RECK: variants seen among roughly 807,000 people sequenced by gnomAD.
RECK encodes the protein reversion inducing cysteine rich protein with kazal motifs.
RECK carries 69 observed loss-of-function variants against 115.1 expected under a neutral mutation model. The ratio of observed to expected loss-of-function variants is 0.60; its 90% CI spans 0.49 to 0.73. RECK has a LOEUF of 0.73. RECK is among the 30% of genes least tolerant of loss of function. The pLI, the probability that RECK is intolerant of heterozygous loss-of-function variation, is 0.00. For missense variants in RECK, 1,047 were observed against 1,203.7 expected, an observed-to-expected ratio of 0.87 and a Z score of 1.93; for synonymous variants, 414 against 419.7, an observed-to-expected ratio of 0.99 and a Z score of 0.17.
At chr9:36,063,306 C>A (rs1000707467) in intron 4 of RECK, among the ~76,000 whole-genome samples, 1 of 152,034 alleles carries the variant, frequency 6.6e-6, no homozygotes, top group African/African-American at 2.4e-5. Context: ...AAAAATTGCC[C>A]CTATTTACTA....
intron 16 of RECK, among the ~76,000 whole-genome samples, chr9:36,113,149 T>C (rs1245159098): frequency 6.6e-6 from 1 of 152,206 alleles, no homozygotes; most frequent in African/African-American, 2.4e-5. Flanking sequence ...TAATGATGGA[T>C]TTCTGTATGG....
intron 7 of RECK, among the ~76,000 whole-genome samples, chr9:36,082,549 T>C (rs1252675493): frequency 1.3e-5 from 2 of 152,308 alleles, no homozygotes; most frequent in East Asian, 3.9e-4. Flanking sequence ...GAGGGGTTCT[T>C]GTTCTTCTCC....
At chr9:36,047,530 T>C (rs543074528) in intron 1 of RECK, among the ~76,000 whole-genome samples, 2 of 152,098 alleles carry the variant, frequency 1.3e-5, no homozygotes, top group South Asian at 4.2e-4. Context: ...AAGAATCACT[T>C]GAAGGTGGAG....
chr9:36,038,789 G>C (rs7039903), intron 1 of RECK, among the ~76,000 whole-genome samples: 2 of 151,696 alleles, frequency 1.3e-5, no homozygotes, highest in African/African-American at 2.4e-5. Flanking sequence ...AAGGATTCCT[G>C]TGGTAAAACA....
At chr9:36,050,519 A>G (rs1450488145) in intron 1 of RECK, among the ~76,000 whole-genome samples, 3 of 152,132 alleles carry the variant, frequency 2.0e-5, no homozygotes, top group Non-Finnish European at 2.9e-5. Flanking sequence ...TCAATAGCCT[A>G]TTAGTGTTTC....
chr9:36,067,008 A>G lies in RECK; in HGVS notation c.405+1384A>G, dbSNP rs1822028824. The G allele has an allele frequency of 7.6e-6, 3 of 396,286 alleles. No homozygotes were observed. In the Admixed American group the frequency reaches 1.1e-4, roughly 14 times the overall value. The allele number at this position is 396,286 out of a possible 1,614,324, so 24.5% of individuals were successfully genotyped here. On this transcript the variant is annotated intron_variant, in intron 6 of 20. Transcript: ENST00000377966. The stretch of plus-strand genomic sequence containing the variant: ...GGCAAAAGGATCCTTTTGTTTTTAT[A>G]TTAAAAGTTGATCCCACAAATTCTT...
At chr9:36,040,730 T>C (rs1588258098) in intron 1 of RECK, among the ~76,000 whole-genome samples, 1 of 151,378 alleles carries the variant, frequency 6.6e-6, no homozygotes, top group East Asian at 1.9e-4. Context: ...GGTGTGGAGA[T>C]AGGAGAGGGG....
chr9:36,075,575 G>A (rs913079750), intron 6 of RECK, among the ~76,000 whole-genome samples: 3 of 151,934 alleles, frequency 2.0e-5, no homozygotes, highest in African/African-American at 7.3e-5. Context: ...GTATCCACAA[G>A]GAAAAAACAC....
At chr9:36,066,067 C>T (rs1343472149) in intron 6 of RECK, among the ~76,000 whole-genome samples, 2 of 152,008 alleles carry the variant, frequency 1.3e-5, no homozygotes, top group Non-Finnish European at 2.9e-5. Flanking sequence ...TCAGACTTTC[C>T]TAGAATCTTG....
At chr9:36,063,252 C>G (rs1353867587) in intron 4 of RECK, among the ~76,000 whole-genome samples, 4 of 152,124 alleles carry the variant, frequency 2.6e-5, no homozygotes, top group Non-Finnish European at 5.9e-5. Flanking sequence ...TCATTTTGCC[C>G]CATGATTAAA....
intron 10 of RECK, among the ~76,000 whole-genome samples, chr9:36,091,591 CT>C (rs1564124089): frequency 1.3e-5 from 2 of 152,198 alleles, no homozygotes. Flanking sequence ...CGTCAGTCCC[CT>C]CTCCCTTCTA....
At chr9:36,122,779 A>G (rs777018886) in intron 20 of RECK, 45 bp from the exon 21 acceptor site, 9 of 1,519,006 alleles carry the variant, frequency 5.9e-6, no homozygotes, top group Non-Finnish European at 8.2e-6. Flanking sequence ...GATGTTGAAA[A>G]CGTTCTGTGG....
intron 6 of RECK, among the ~76,000 whole-genome samples, chr9:36,065,978 G>T (rs1387123663): frequency 6.6e-6 from 1 of 152,110 alleles, no homozygotes; most frequent in Non-Finnish European, 1.5e-5. Flanking sequence ...CATCCAGGTG[G>T]TATTCATTTC....
At position 36,102,788 on chromosome 9, in the gene RECK, T is replaced by C. The variant is rs1283617759; in HGVS notation, c.1435+558T>C. 2.0e-5 allele frequency among the ~76,000 whole-genome samples: 3 copies of C among 151,756 alleles called. No individual in the cohort carries two copies. The East Asian group carries it at 5.8e-4, about 29-fold the overall frequency. On this transcript the variant is annotated intron_variant, in intron 12 of 20. Transcript: ENST00000377966. ...GGCTGACATGGTGAGACCCCGTCTC[T>C]ACTAAAAATACAAAAAAATCAGCCA...
chr9:36,059,466 A>AT, intron 3 of RECK, among the ~76,000 whole-genome samples: 1 of 152,176 alleles, frequency 6.6e-6, no homozygotes, highest in Admixed American at 6.5e-5. Context: ...AAAAAAAAAA[A>AT]AAAAATTATC....
At chr9:36,095,086 A>G (rs1194606465) in intron 10 of RECK, among the ~76,000 whole-genome samples, 1 of 152,202 alleles carries the variant, frequency 6.6e-6, no homozygotes, top group African/African-American at 2.4e-5. Flanking sequence ...AATTTATGCA[A>G]CAAAGAAGAA....
At chr9:36,095,994 G>A (rs1455582694) in intron 10 of RECK, among the ~76,000 whole-genome samples, 2 of 151,482 alleles carry the variant, frequency 1.3e-5, no homozygotes, top group African/African-American at 4.9e-5. Flanking sequence ...CTTGAACCTG[G>A]GAGGCGGAGG....
chr9:36,071,280 T>A (rs1285871993), intron 6 of RECK, among the ~76,000 whole-genome samples: 1 of 152,216 alleles, frequency 6.6e-6, no homozygotes, highest in Non-Finnish European at 1.5e-5. Context: ...TGTTGATGGT[T>A]AATTTTCTTT....
intron 8 of RECK, 61 bp downstream of exon 8, chr9:36,083,623 A>T: frequency 2.0e-6 from 3 of 1,523,366 alleles, no homozygotes; most frequent in Non-Finnish European, 2.7e-6. Flanking sequence ...TGTAAAAAGA[A>T]GTGATACGTT....
Sources: gnomAD v4.1 joint callset for allele counts (sites outside exome capture counted in the v4.1 genomes callset) on GRCh38, gnomAD v4.1.1 for gene constraint, MANE v1.5 for transcripts, NCBI Gene and HGNC (gene_info 2026-07-23, HGNC 2026-07-21) for gene names.